NEGR1: variants seen among roughly 807,000 people sequenced by gnomAD.
NEGR1 encodes IgLON family member 4.
Under a neutral mutation model 40.9 loss-of-function variants are expected in NEGR1, and 10 were observed. The ratio of observed to expected loss-of-function variants is 0.24; its 90% confidence interval spans 0.15 to 0.42. The LOEUF (loss-of-function observed/expected upper bound fraction) is 0.42. Ranked by LOEUF, NEGR1 falls within the 10% of genes least tolerant of loss-of-function variation. The pLI is 1.00. For synonymous variants in NEGR1, 185 were observed against 166.8 expected (o/e 1.11, Z -0.84); for missense variants, 352 against 438.9 (o/e 0.80, Z 1.77).
intron 6 of NEGR1, among the ~76,000 whole-genome samples, chr1:71,482,662 C>T (rs140985960): frequency 2.9e-4 from 44 of 151,692 alleles, no homozygotes; most frequent in Non-Finnish European, 3.7e-4. Context: ...TTTTAAAAGC[C>T]GCAAAATAGC....
At chr1:71,753,013 A>ATTT (rs1655621076) in intron 3 of NEGR1, among the ~76,000 whole-genome samples, 1 of 152,186 alleles carries the variant, frequency 6.6e-6, no homozygotes, top group African/African-American at 2.4e-5. Flanking sequence ...AATGGTTAAT[A>ATTT]GCTTCGGCTT....
rs758380810 is a variant in NEGR1, at chr1:71,423,649, A to G, written c.941-16079T>C. Among the ~76,000 whole-genome samples, 62 of 152,274 alleles carry G rather than the reference A, an allele frequency of 4.1e-4. No individual in the cohort carries two copies. The Middle Eastern group carries it at 0.01, about 25-fold the overall frequency. On this transcript the variant is annotated intron_variant, in intron 6 of 6. Transcript: ENST00000357731. ...TTCTACTTGCCATAGATAACTTACT[A>G]TTGCAATTCCTGAGGATACGTAATT...
chr1:71,927,296 A>G (rs909804375), intron 2 of NEGR1, among the ~76,000 whole-genome samples: 1 of 152,172 alleles, frequency 6.6e-6, no homozygotes, highest in Non-Finnish European at 1.5e-5. Context: ...TTCCTTGCCT[A>G]AAAAAGCTTA....
intron 1 of NEGR1, among the ~76,000 whole-genome samples, chr1:72,142,804 C>T (rs1351233515): frequency 2.0e-5 from 3 of 151,346 alleles, no homozygotes; most frequent in Non-Finnish European, 4.4e-5. Flanking sequence ...AAACCCTATT[C>T]CTTTTCTTGA....
At chr1:71,699,761 C>T (rs1400795966) in intron 3 of NEGR1, among the ~76,000 whole-genome samples, 1 of 151,842 alleles carries the variant, frequency 6.6e-6, no homozygotes, top group Non-Finnish European at 1.5e-5. Flanking sequence ...TGAATTGTAT[C>T]TCCCAGAATT....
intron 1 of NEGR1, among the ~76,000 whole-genome samples, chr1:72,278,216 A>G (rs1056936604): frequency 1.3e-5 from 2 of 152,138 alleles, no homozygotes; most frequent in Non-Finnish European, 2.9e-5. Flanking sequence ...TAACTCTGCT[A>G]AAGTAAAAGA....
At chr1:72,074,312 T>C (rs1647620424) in intron 1 of NEGR1, among the ~76,000 whole-genome samples, 1 of 152,116 alleles carries the variant, frequency 6.6e-6, no homozygotes, top group Non-Finnish European at 1.5e-5. Flanking sequence ...GTTTTCCATA[T>C]AAGAATTGCT....
rs535926160 is a variant in NEGR1 at position 72,177,049 on chromosome 1, A to G, written c.176+105270T>C. 2.0e-5 allele frequency among the ~76,000 whole-genome samples: 3 copies of G among 152,244 alleles called. No individual in the cohort carries two copies. The East Asian group carries it at 5.8e-4, about 29-fold the overall frequency. ...AAATGGAATGACTAAAGAAATAATT[A>G]TATCATCATCTTCACAATAGTGAAA... On this transcript the variant is annotated intron_variant, in intron 1 of 6. Transcript: ENST00000357731.
intron 4 of NEGR1, among the ~76,000 whole-genome samples, chr1:71,615,378 C>A (rs527586937): frequency 6.6e-6 from 1 of 151,934 alleles, no homozygotes; most frequent in South Asian, 2.1e-4. Context: ...AAAGGAAGAG[C>A]AAGATATGTT....
intron 3 of NEGR1, among the ~76,000 whole-genome samples, chr1:71,775,685 G>A (rs1656479946): frequency 6.7e-6 from 1 of 149,528 alleles, no homozygotes; most frequent in African/African-American, 2.4e-5. Context: ...TAAGTATGAA[G>A]AGTAAGTATA....
intron 1 of NEGR1, among the ~76,000 whole-genome samples, chr1:72,087,253 CTA>C (rs2100537816): frequency 6.6e-6 from 1 of 152,110 alleles, no homozygotes; most frequent in Admixed American, 6.6e-5. Flanking sequence ...CCCGTCTCTA[CTA>C]AAAATACAAC....
intron 2 of NEGR1, among the ~76,000 whole-genome samples, chr1:71,900,119 G>A (rs980490839): frequency 1.3e-5 from 2 of 152,154 alleles, no homozygotes; most frequent in Non-Finnish European, 2.9e-5. Flanking sequence ...CCTTGCTTAA[G>A]GAAGGTCCTA....
intron 6 of NEGR1, among the ~76,000 whole-genome samples, chr1:71,444,549 G>T (rs959121653): frequency 1.3e-5 from 2 of 152,002 alleles, no homozygotes; most frequent in Admixed American, 1.3e-4. Flanking sequence ...TCTAAAAATT[G>T]TTTTTAGCTC....
intron 3 of NEGR1, among the ~76,000 whole-genome samples, chr1:71,746,968 G>A (rs567511028): frequency 3.6e-4 from 55 of 152,230 alleles, no homozygotes; most frequent in African/African-American, 1.2e-3. Flanking sequence ...GATTCTAAGG[G>A]TCACTGAAGT....
At chr1:72,214,434 T>A (rs974154843) in intron 1 of NEGR1, among the ~76,000 whole-genome samples, 1 of 152,148 alleles carries the variant, frequency 6.6e-6, no homozygotes, top group Non-Finnish European at 1.5e-5. Context: ...TATCTCTGCT[T>A]GCAGATAACA....
chr1:71,838,734 G>A (rs1327927072), intron 2 of NEGR1, among the ~76,000 whole-genome samples: 1 of 152,008 alleles, frequency 6.6e-6, no homozygotes, highest in East Asian at 1.9e-4. Flanking sequence ...AGATGAGAGA[G>A]TATATCAAGC....
chr1:72,224,635 C>T (rs1316281431), intron 1 of NEGR1, among the ~76,000 whole-genome samples: 1 of 152,026 alleles, frequency 6.6e-6, no homozygotes, highest in Non-Finnish European at 1.5e-5. Flanking sequence ...CAAGGTTACT[C>T]AGGTAGAGTA....
intron 4 of NEGR1, among the ~76,000 whole-genome samples, chr1:71,613,618 GCA>G (rs1348258893): frequency 1.3e-5 from 2 of 150,686 alleles, no homozygotes; most frequent in African/African-American, 4.9e-5. Flanking sequence ...GACTGCCATT[GCA>G]CTTCAGCCTG....
chr1:71,662,839 A>G (rs1287329912), intron 4 of NEGR1, among the ~76,000 whole-genome samples: 5 of 152,036 alleles, frequency 3.3e-5, no homozygotes, highest in Non-Finnish European at 7.4e-5. Context: ...TTATATGTAC[A>G]CATGACAACT....
Sources: gnomAD v4.1 joint callset for allele counts (sites outside exome capture counted in the v4.1 genomes callset) on GRCh38, gnomAD v4.1.1 for gene constraint, MANE v1.5 for transcripts, NCBI Gene and HGNC (gene_info 2026-07-23, HGNC 2026-07-21) for gene names.